CHD6: variants seen among roughly 807,000 people sequenced by gnomAD.
CHD6 encodes chromodomain helicase DNA binding protein 6, also known as ATP-dependent chromatin remodeler CHD6.
Under a neutral mutation model 276.9 loss-of-function variants are expected in CHD6, and 50 were observed. The ratio of observed to expected loss-of-function variants is 0.18; its 90% confidence interval spans 0.14 to 0.23. The LOEUF (loss-of-function observed/expected upper bound fraction) is 0.23. CHD6 is among the 10% of genes least tolerant of loss of function. The pLI is 1.00. For synonymous variants in CHD6, 1,173 were observed against 1,229.3 expected (o/e 0.95, Z 0.96); for missense variants, 2,564 against 3,365.8 (o/e 0.76, Z 5.89).
At chr20:41,593,202 AG>A (rs5841412) in intron 1 of CHD6, among the ~76,000 whole-genome samples, 33,320 of 117,358 alleles carry the variant, frequency 0.28, 4,654 homozygotes, top group African/African-American at 0.37. Flanking sequence ...CCAATCAAAA[AG>A]GGGGGGGGGG....
chr20:41,541,163 C>A (rs150321512), intron 2 of CHD6, among the ~76,000 whole-genome samples: 7 of 152,148 alleles, frequency 4.6e-5, no homozygotes, highest in Admixed American at 4.6e-4. Context: ...CAATGTCTGT[C>A]CGATTGTGCA....
intron 17 of CHD6, among the ~76,000 whole-genome samples, chr20:41,466,906 A>G (rs1279961676): frequency 6.6e-6 from 1 of 152,190 alleles, no homozygotes; most frequent in Non-Finnish European, 1.5e-5. Context: ...CCTCCTGAAG[A>G]TATGTGCCAA....
Position 41,421,905 on chromosome 20 carries a change from C to A in CHD6, c.4730G>T (p.Cys1577Phe). 6.2e-7 allele frequency: 1 copy of A among 1,614,134 alleles called. No individual in the cohort carries two copies. The highest frequency in any genetic ancestry group is 8.5e-7 in the Non-Finnish European group (1 of 1,179,990). The change falls in exon 31 of 37, where the codon TGT becomes TTT. Residue 1577 changes from cysteine (C) to phenylalanine (F), a missense_variant. By Grantham distance (205) the Cys-to-Phe change is radical. This residue lies in a region of CHD6 where 515 missense variants were observed against 739.5 expected (regional missense o/e 0.70). Coordinates refer to ENST00000373233, the MANE Select transcript of CHD6 (RefSeq NM_032221.5). ...GAGCAGGTCTCGATCATGCTTCCCACACTCCCACCAGACTGGGAGGTAGAG... is the reference window on the plus strand; with the variant it reads ...GAGCAGGTCTCGATCATGCTTCCCAAACTCCCACCAGACTGGGAGGTAGAG... Reference protein sequence around the residue: ...PSLYLPVWWECGKHDRDLLIG... With the variant: ...PSLYLPVWWEFGKHDRDLLIG...
intron 5 of CHD6, among the ~76,000 whole-genome samples, chr20:41,511,415 C>T (rs1043898579): frequency 4.6e-5 from 7 of 152,158 alleles, no homozygotes; most frequent in African/African-American, 1.7e-4. Context: ...TTGGCACAGA[C>T]CTCTTTTTTT....
chr20:41,480,286 C>T lies in CHD6; in HGVS notation c.2468+3023G>A, dbSNP rs112325588. On this transcript the variant is annotated intron_variant, in intron 16 of 36. Coordinates refer to ENST00000373233, the MANE Select transcript of CHD6 (RefSeq NM_032221.5). ...CCAGGGAGGAGGAAGTCAGGAGGCC[C>T]CAGAAGGTATGGCCTAGAGAAGAGG... is the stretch of plus-strand genomic sequence containing the variant. 7.6e-3 allele frequency among the ~76,000 whole-genome samples: 1,157 copies of T among 152,092 alleles called. 18 individuals carry two copies. Among genetic ancestry groups the T allele is most frequent in the African/African-American group, 0.026 (1,094 of 41,478 alleles).
Position 41,416,726 on chromosome 20 carries a change from G to C in CHD6, c.6348C>G (p.Ser2116Arg). Residue 2116 changes from serine to arginine, a missense_variant, in exon 33 of 37, where the codon AGC becomes AGG. By Grantham distance (110) the Ser-to-Arg change is moderately radical. Transcript: ENST00000373233. ...HVVLKGKWPS[S>R]QQYEPSGTLP... ...GTGTGCCTGAGGGCTCATACTGCTG[G>C]CTAGAGGGCCACTTCCCCTTTAACA... 6.2e-7 allele frequency: 1 copy of C among 1,613,196 alleles called. No homozygotes were observed.
At chr20:41,496,876 C>T (rs1183864584) in intron 8 of CHD6, 1 of 157,766 alleles carries the variant, frequency 6.3e-6, no homozygotes, top group Non-Finnish European at 1.4e-5. Context: ...AGGTTTGTGG[C>T]ATTTTCTGAT....
At chr20:41,497,354 A>T in intron 8 of CHD6, 30 bp downstream of exon 8, 1 of 1,319,110 alleles carries the variant, frequency 7.6e-7, no homozygotes, top group Admixed American at 1.7e-5. Flanking sequence ...GAAAAGCAGC[A>T]GTCAAATGAG....
intron 3 of CHD6, among the ~76,000 whole-genome samples, chr20:41,522,187 G>A (rs1277492986): frequency 1.3e-5 from 2 of 151,678 alleles, no homozygotes; most frequent in Non-Finnish European, 2.9e-5. Flanking sequence ...AAAAAAATCG[G>A]GAAAAAAAAT....
chr20:41,404,968 A>T lies in CHD6; in HGVS notation c.7773T>A (p.Gly2591=). Residue 2591 remains glycine (G), a synonymous_variant, in exon 37 of 37, where the codon GGT becomes GGA. Transcript: ENST00000373233. ...DTLAEDKPGP[G]PFSDQSEPAI... ...CAGGTTCAGACTGATCAGAAAATGG[A>T]CCTGGACCAGGCTTGTCCTCAGCTA... The T allele has an allele frequency of 6.2e-7, 1 of 1,614,180 alleles. No homozygotes were observed. The highest frequency in any genetic ancestry group is 8.5e-7 in the Non-Finnish European group (1 of 1,180,028).
chr20:41,416,567 A>G (rs368990020), intron 33 of CHD6, 21 bp downstream of exon 33: 3 of 1,593,620 alleles, frequency 1.9e-6, no homozygotes, highest in Non-Finnish European at 2.6e-6. Flanking sequence ...TTTTGTGGTC[A>G]CTCCATTCTT....
intron 1 of CHD6, among the ~76,000 whole-genome samples, chr20:41,603,341 CAGAAA>C (rs1410320413): frequency 2.6e-5 from 4 of 151,952 alleles, no homozygotes; most frequent in African/African-American, 9.7e-5. Context: ...GACTCCATCT[CAGAAA>C]AGAAAAGAAA....
In CHD6 at chr20:41,445,719, C is replaced by T. The variant is rs919191625; in HGVS notation, c.3823G>A (p.Asp1275Asn). The change falls in exon 25 of 37, where the codon GAC becomes AAC. Residue 1275 changes from aspartate to asparagine, a missense_variant. Transcript: ENST00000373233. ...PDIDYMEIPV[D>N]WWDAEADKSL... Reference sequence around the variant, plus strand: ...TTATCGGCTTCAGCATCCCACCAGTCCACTGGGATCTCCATGTAGTCGATG... The same window carrying T: ...TTATCGGCTTCAGCATCCCACCAGTTCACTGGGATCTCCATGTAGTCGATG... 1.2e-6 allele frequency: 2 copies of T among 1,613,900 alleles called. No homozygotes were observed. The highest frequency in any genetic ancestry group is 8.5e-7 in the Non-Finnish European group (1 of 1,179,816).
Position 41,472,208 on chromosome 20 carries a change from T to G in CHD6, c.2664+1114A>C, listed in dbSNP as rs1236276843. On this transcript the variant is annotated intron_variant, in intron 17 of 36. Transcript: ENST00000373233. The stretch of plus-strand genomic sequence containing the variant: ...GTGAGCTGAGATTGCCGCACTGCAT[T>G]CCACCCTGGGGGAATGGAGTGAGAC... Among the ~76,000 whole-genome samples the G allele has an allele frequency of 2.0e-5, 3 of 150,410 alleles. No homozygotes were observed. In the East Asian group the frequency reaches 5.9e-4, roughly 30 times the overall value.
chr20:41,425,437 A>G (rs1891899524), intron 28 of CHD6, 43 bp from the exon 29 acceptor site: 1 of 1,534,116 alleles, frequency 6.5e-7, no homozygotes, highest in Non-Finnish European at 8.9e-7. Flanking sequence ...AAACAGAACT[A>G]AAACAGGAGT....
intron 1 of CHD6, among the ~76,000 whole-genome samples, chr20:41,578,733 TA>T (rs904023021): frequency 2.0e-5 from 3 of 147,836 alleles, no homozygotes; most frequent in Non-Finnish European, 3.0e-5. Flanking sequence ...TTTTCTATAA[TA>T]AAAAAAAATT....
chr20:41,432,552 AAC>A (rs903305745), intron 27 of CHD6, among the ~76,000 whole-genome samples: 4 of 151,956 alleles, frequency 2.6e-5, no homozygotes, highest in Non-Finnish European at 5.9e-5. Flanking sequence ...GCAGACTGGG[AAC>A]ATGAATTTTT....
chr20:41,605,854 T>G lies in CHD6; in HGVS notation c.-24+12486A>C, dbSNP rs1416691124. 2.0e-5 allele frequency among the ~76,000 whole-genome samples: 3 copies of G among 152,334 alleles called. No homozygotes were observed. The East Asian group carries it at 5.8e-4, about 29-fold the overall frequency. ...AGAAGTGAAATGAAAATATCCAAAGTACTCAAGTATGAATACTTGACCAAA... is the reference window on the plus strand; with the variant it reads ...AGAAGTGAAATGAAAATATCCAAAGGACTCAAGTATGAATACTTGACCAAA... On this transcript the variant is annotated intron_variant, in intron 1 of 36. Transcript: ENST00000373233.
chr20:41,431,812 G>C (rs571647479), intron 27 of CHD6, among the ~76,000 whole-genome samples: 3 of 125,366 alleles, frequency 2.4e-5, no homozygotes, highest in Non-Finnish European at 3.3e-5. Context: ...TCCTAGATTT[G>C]GAGGTAAAGA....
Sources: gnomAD v4.1 joint callset for allele counts (sites outside exome capture counted in the v4.1 genomes callset) on GRCh38, gnomAD v4.1.1 for gene constraint, gnomAD v4.1.1 regional missense constraint, MANE v1.5 for transcripts, NCBI Gene and HGNC (gene_info 2026-07-23, HGNC 2026-07-21) for gene names.